Variants in MDN1 observed in about 807,000 individuals in gnomAD.
The protein encoded by MDN1 is midasin.
MDN1 carries 266 observed loss-of-function variants against 669.2 expected under a neutral mutation model. The ratio of observed to expected loss-of-function variants is 0.40; its 90% CI spans 0.36 to 0.44. The LOEUF is 0.44. MDN1 is among the 20% of genes least tolerant of loss of function. MDN1 has a pLI of 1.00. For missense variants in MDN1, 5,940 were observed against 6,754.0 expected (o/e 0.88, Z 4.22); for synonymous variants, 2,385 against 2,457.1 (o/e 0.97, Z 0.87).
At chr6:89,716,891 A>T in intron 43 of MDN1, 82 bp from the exon 44 acceptor site, 1 of 1,388,278 alleles carries the variant, frequency 7.2e-7, no homozygotes, top group Non-Finnish European at 9.6e-7. Context: ...GAAGCTTGAT[A>T]CTTCTAGCCA....
chr6:89,755,301 T>C (rs1201010105), intron 20 of MDN1, among the ~76,000 whole-genome samples: 1 of 150,846 alleles, frequency 6.6e-6, no homozygotes, highest in Admixed American at 6.6e-5. Flanking sequence ...TCCAGCACTT[T>C]GGGAGGCTAA....
chr6:89,799,696 G>C (rs1264286871), intron 2 of MDN1, among the ~76,000 whole-genome samples: 1 of 152,164 alleles, frequency 6.6e-6, no homozygotes, highest in Non-Finnish European at 1.5e-5. Flanking sequence ...AAGAAAAAAA[G>C]AAAAGAAATA....
chr6:89,682,758 A>G (rs567426233), intron 73 of MDN1, among the ~76,000 whole-genome samples: 24 of 137,502 alleles, frequency 1.7e-4, no homozygotes, highest in African/African-American at 6.3e-4. Context: ...TGGGCAACAA[A>G]GTGAGACCTC....
intron 49 of MDN1, 127 bp downstream of exon 49, chr6:89,711,909 C>T: frequency 1.2e-6 from 1 of 827,272 alleles, no homozygotes; most frequent in South Asian, 1.8e-5. Context: ...CCACAAATTT[C>T]TTCCTAGGAG....
intron 100 of MDN1, among the ~76,000 whole-genome samples, chr6:89,645,460 G>A (rs1411111739): frequency 2.6e-5 from 4 of 152,146 alleles, no homozygotes; most frequent in Non-Finnish European, 5.9e-5. Flanking sequence ...AAATTGTAGA[G>A]CAACATACTG....
intron 20 of MDN1, 33 bp downstream of exon 20, chr6:89,756,244 A>T: frequency 5.7e-6 from 6 of 1,057,824 alleles, no homozygotes; most frequent in Non-Finnish European, 8.3e-6. Context: ...GTTCAGAGAA[A>T]GAGCTTATAA....
intron 83 of MDN1, 49 bp downstream of exon 83, chr6:89,670,867 AAAT>A (rs1197041369): frequency 6.9e-5 from 108 of 1,561,762 alleles, no homozygotes; most frequent in Non-Finnish European, 8.8e-5. Flanking sequence ...TAATGACATG[AAAT>A]TTACTTGGGT....
intron 87 of MDN1, 74 bp downstream of exon 87, chr6:89,662,013 C>T: frequency 6.6e-7 from 1 of 1,507,386 alleles, no homozygotes; most frequent in South Asian, 1.3e-5. Flanking sequence ...TATCTTGAGA[C>T]ACCTTGAGAA....
At chr6:89,743,119 C>A in intron 31 of MDN1, 31 bp downstream of exon 31, 2 of 1,598,534 alleles carry the variant, frequency 1.3e-6, no homozygotes, top group South Asian at 2.3e-5. Flanking sequence ...ACAAAAATAT[C>A]AAACACAAGG....
intron 10 of MDN1, among the ~76,000 whole-genome samples, chr6:89,780,641 CTTTTTT>C (rs575664748): frequency 3.0e-5 from 4 of 131,210 alleles, no homozygotes; most frequent in Non-Finnish European, 6.4e-5. Flanking sequence ...ATGCCATTTC[CTTTTTT>C]TTTTTTTTTT....
intron 15 of MDN1, among the ~76,000 whole-genome samples, chr6:89,762,893 AAAAAATAC>A (rs1487995090): frequency 6.6e-6 from 1 of 152,042 alleles, no homozygotes; most frequent in African/African-American, 2.4e-5. Flanking sequence ...TGTTTCTACA[AAAAAATAC>A]AAAAATTAGT....
At position 89,692,509 on chromosome 6, in the gene MDN1, G is replaced by A. The variant is rs369652844; in HGVS notation, c.10521C>T (p.Arg3507=). ...ACTCTCCCTTGCATAACACGTGGGA[G>A]CGCAGGTAAAGGAGAGCATTCATCA... ...QLLMNALLYL[R]SHVLCKGELD... is the part of the protein sequence containing the mutation. The change falls in exon 63 of 102, where the codon CGC becomes CGT. Residue 3507 remains arginine, a synonymous_variant. Transcript: ENST00000369393. 6 of 1,614,120 alleles carry A rather than the reference G, an allele frequency of 3.7e-6. No individual in the cohort carries two copies. Among genetic ancestry groups the A allele is most frequent in the Admixed American group, 1.7e-5 (1 of 60,012 alleles).
At chr6:89,663,297 G>C (rs530040610) in intron 85 of MDN1, among the ~76,000 whole-genome samples, 146 of 152,256 alleles carry the variant, frequency 9.6e-4, no homozygotes, top group African/African-American at 3.4e-3. Context: ...TGATGGGGTT[G>C]GACTAGGTGG....
At chr6:89,676,353 G>C (rs533581050) in intron 76 of MDN1, 146 bp from the exon 77 acceptor site, 12 of 680,450 alleles carry the variant, frequency 1.8e-5, no homozygotes, top group Admixed American at 1.1e-4. Context: ...ATTCAGTGAG[G>C]CACTCATTAG....
intron 77 of MDN1, among the ~76,000 whole-genome samples, 164 bp downstream of exon 77, chr6:89,675,938 C>A (rs556367830): frequency 6.6e-6 from 1 of 152,174 alleles, no homozygotes; most frequent in Non-Finnish European, 1.5e-5. Flanking sequence ...TGATTTTGCA[C>A]AAAATTACAT....
At chr6:89,780,931 G>C (rs1383132708) in intron 10 of MDN1, among the ~76,000 whole-genome samples, 1 of 151,564 alleles carries the variant, frequency 6.6e-6, no homozygotes, top group East Asian at 1.9e-4. Context: ...TTACAGGCGT[G>C]AGCCACCGCG....
In MDN1 at chr6:89,768,991, C is replaced by G. The variant is rs1214230971; in HGVS notation, c.2144+2570G>C. Among the ~76,000 whole-genome samples, 4 of 151,856 alleles carry G rather than the reference C, an allele frequency of 2.6e-5. No individual in the cohort carries two copies. The South Asian group carries it at 6.2e-4, about 24-fold the overall frequency. On this transcript the variant is annotated intron_variant, in intron 15 of 101. Transcript: ENST00000369393. ...ATCACTTGAGCCCAGAAAGTCAAGG[C>G]TGCAATAAGTCATGTTTATGCCGCT...
chr6:89,652,857 GAAT>G, intron 94 of MDN1, 132 bp downstream of exon 94: 1 of 897,258 alleles, frequency 1.1e-6, no homozygotes, highest in South Asian at 1.8e-5. Flanking sequence ...TAAAAATTTT[GAAT>G]AAGAACATGA....
At position 89,758,931 on chromosome 6, in the gene MDN1, T is replaced by A; in HGVS notation, c.2490A>T (p.Gly830=). Residue 830 remains glycine (G), a synonymous_variant, in exon 18 of 102, where the codon GGA becomes GGT. Coordinates refer to ENST00000369393, the MANE Select transcript of MDN1 (RefSeq NM_014611.3). ...TAATCTCATCCAACAAGATCCACTC[T>A]CCTTTCTTTACAGCCTGAGCTAATG... ...EGTLAQAVKK[G]EWILLDEINL... 6.2e-7 allele frequency: 1 copy of A among 1,613,916 alleles called. No individual in the cohort carries two copies. The highest frequency in any genetic ancestry group is 1.1e-5 in the South Asian group (1 of 91,080).
Sources: allele counts gnomAD v4.1 joint callset (sites outside exome capture counted in the v4.1 genomes callset), GRCh38; gene constraint gnomAD v4.1.1; transcripts MANE v1.5; gene names NCBI Gene and HGNC (gene_info 2026-07-23, HGNC 2026-07-21).